NDUFS7: variants seen among roughly 807,000 people sequenced by gnomAD.
The protein encoded by NDUFS7 is NADH dehydrogenase [ubiquinone] iron-sulfur protein 7, mitochondrial.
A neutral mutation model predicts 31.1 loss-of-function variants in NDUFS7; 11 were observed. That is an observed-to-expected ratio of 0.35 (90% CI 0.22 to 0.59). The LOEUF is 0.59. NDUFS7 is among the 20% of genes least tolerant of loss of function. The probability of loss-of-function intolerance (pLI) is 0.79; values close to 1 mark genes in which losing one functional copy is unlikely to be tolerated. For synonymous variants in NDUFS7, 136 were observed against 127.9 expected, an observed-to-expected ratio of 1.06 and a Z score of -0.43; for missense variants, 263 against 324.2, an observed-to-expected ratio of 0.81 and a Z score of 1.45.
In NDUFS7 at chr19:1,388,824, C is replaced by T. The variant is rs750259721; in HGVS notation, c.123-9C>T. On this transcript the variant is annotated splice_polypyrimidine_tract_variant and intron_variant, in intron 3 of 7. Coordinates refer to ENST00000233627, the MANE Select transcript of NDUFS7 (RefSeq NM_024407.5). ...TGACGCCTCCTGTGCCCGTGTGTCT[C>T]TGTGCCAGCACCCAGCCTGCCCTGC... The T allele has an allele frequency of 8.8e-6, 14 of 1,585,986 alleles. No individual in the cohort carries two copies. The highest frequency in any genetic ancestry group is 8.6e-7 in the Non-Finnish European group (1 of 1,166,908).
chr19:1,389,399 A>T (rs751264685), intron 4 of NDUFS7: 1 of 460,596 alleles, frequency 2.2e-6, no homozygotes. Context: ...ACACAGGCAC[A>T]CTCACTGATG....
At chr19:1,391,977 T>C (rs1301767616) in intron 6 of NDUFS7, 1 of 150,932 alleles carries the variant, frequency 6.6e-6, no homozygotes, top group Non-Finnish European at 1.5e-5. Context: ...GCCTCCCGAG[T>C]AGCTGGGATT....
Position 1,392,552 on chromosome 19 carries a change from C to T in NDUFS7, c.456-690C>T, listed in dbSNP as rs1309451800. On this transcript the variant is annotated intron_variant, in intron 6 of 7. Coordinates refer to ENST00000233627, the MANE Select transcript of NDUFS7 (RefSeq NM_024407.5). ...CATTTCACAGAAACAGGATCACACG[C>T]CGCATGGCCTTCTGTGTCCGGCGTC... The T allele has an allele frequency of 1.9e-5, 3 of 153,968 alleles. No homozygotes were observed. The East Asian group carries it at 5.7e-4, about 29-fold the overall frequency. 9.5% of individuals were successfully genotyped at this position (153,968 alleles called of 1,614,324 possible).
intron 4 of NDUFS7, chr19:1,389,243 A>G (rs568119754): frequency 1.4e-5 from 9 of 659,016 alleles, no homozygotes; most frequent in South Asian, 4.6e-5. Flanking sequence ...GCACTCATGC[A>G]CACTCATGCG....
Position 1,391,178 on chromosome 19 carries a change from C to T in NDUFS7, c.455+13C>T, listed in dbSNP as rs376025020. ...TCTCCATGGGGAGGTGAGTGCAGGG[C>T]GGGGGGTCTCCAGGGACAGACGTAG... On this transcript the variant is annotated intron_variant, in intron 6 of 7. Coordinates refer to ENST00000233627, the MANE Select transcript of NDUFS7 (RefSeq NM_024407.5). 81 of 1,610,710 alleles carry T rather than the reference C, an allele frequency of 5.0e-5. No individual in the cohort carries two copies. Among genetic ancestry groups the T allele is most frequent in the South Asian group, 1.8e-4 (16 of 90,710 alleles).
At chr19:1,386,065 T>C (rs1310742093) in intron 1 of NDUFS7, among the ~76,000 whole-genome samples, 5 of 151,738 alleles carry the variant, frequency 3.3e-5, no homozygotes, top group African/African-American at 1.2e-4. Flanking sequence ...CTTCAGAGAG[T>C]TGTGGCCTGG....
chr19:1,389,219 A>G (rs1211086667), intron 4 of NDUFS7: 1 of 671,912 alleles, frequency 1.5e-6, no homozygotes, highest in Non-Finnish European at 2.7e-6. Flanking sequence ...GCACACATAC[A>G]CACATGCACA....
At chr19:1,388,449 A>G (rs1600146640) in intron 2 of NDUFS7, 76 bp from the exon 3 acceptor site, 1 of 1,343,524 alleles carries the variant, frequency 7.4e-7, no homozygotes, top group East Asian at 2.3e-5. Flanking sequence ...GGGGAGAGGC[A>G]GGACAACAGT....
Position 1,393,084 on chromosome 19 carries a change from G to A in NDUFS7, c.456-158G>A. ...CACTGGTCCCACAGAGGCTCTGGGA[G>A]CCTGTGCGTGTTTGCTCATTGCTTC... On this transcript the variant is annotated intron_variant, in intron 6 of 7. Transcript: ENST00000233627. The surrounding 1 kb of genome is among the most constrained non-coding windows in gnomAD (Gnocchi z 7.3). The A allele has an allele frequency of 1.5e-6, 1 of 652,766 alleles. No homozygotes were observed. 40.4% of individuals were successfully genotyped at this position (652,766 alleles called of 1,614,324 possible). A position where few individuals can be genotyped will look rare whatever the true frequency, so the allele number is the denominator to read the frequency against.
intron 7 of NDUFS7, chr19:1,394,032 A>G (rs1232747043): frequency 2.7e-5 from 7 of 261,850 alleles, no homozygotes; most frequent in Non-Finnish European, 5.3e-5. Flanking sequence ...GGTGGCGCTC[A>G]TGTGGGACAG....
In NDUFS7 at chr19:1,393,749, A is replaced by T. The variant is rs1432741150; in HGVS notation, c.544+419A>T. ...GGGGTGGCCGGATTTGGCAAATGAA[A>T]ACGTGGGAGGCTTAGTTTGACTGTG... On this transcript the variant is annotated intron_variant, in intron 7 of 7. Coordinates refer to ENST00000233627, the MANE Select transcript of NDUFS7 (RefSeq NM_024407.5). The surrounding 1 kb of genome is among the most constrained non-coding windows in gnomAD (Gnocchi z 7.3). 2.0e-6 allele frequency: 1 copy of T among 493,604 alleles called. No homozygotes were observed. The highest frequency in any genetic ancestry group is 1.9e-5 in the African/African-American group (1 of 52,088). 30.6% of individuals were successfully genotyped at this position (493,604 alleles called of 1,614,324 possible). A position where few individuals can be genotyped will look rare whatever the true frequency, so the allele number is the denominator to read the frequency against.
chr19:1,385,511 C>A (rs2082501916), intron 1 of NDUFS7, among the ~76,000 whole-genome samples: 1 of 149,016 alleles, frequency 6.7e-6, no homozygotes, highest in Non-Finnish European at 1.5e-5. Context: ...GAAACTCCGT[C>A]TCAAAAACAA....
At chr19:1,385,156 A>G (rs371132296) in intron 1 of NDUFS7, among the ~76,000 whole-genome samples, 1 of 152,230 alleles carries the variant, frequency 6.6e-6, no homozygotes, top group African/African-American at 2.4e-5. Flanking sequence ...TGGTGACAAC[A>G]AAGACATATA....
chr19:1,394,601 G>A lies in NDUFS7; in HGVS notation c.545-790G>A, dbSNP rs1208185619. Reference sequence around the variant, plus strand: ...GCGGACCGCGCTCGGCCCTCCCTGGGGACCGCGCCCCTCCCTCCCAGCGGA... The same window carrying A: ...GCGGACCGCGCTCGGCCCTCCCTGGAGACCGCGCCCCTCCCTCCCAGCGGA... On this transcript the variant is annotated intron_variant, in intron 7 of 7. Coordinates refer to ENST00000233627, the MANE Select transcript of NDUFS7 (RefSeq NM_024407.5). 88 of 1,197,326 alleles carry A rather than the reference G, an allele frequency of 7.3e-5. No individual in the cohort carries two copies. In the Admixed American group the frequency reaches 1.2e-3, roughly 16 times the overall value. 74.2% of individuals were successfully genotyped at this position (1,197,326 alleles called of 1,614,324 possible). A position where few individuals can be genotyped will look rare whatever the true frequency, so the allele number is the denominator to read the frequency against.
chr19:1,393,565 C>T lies in NDUFS7; in HGVS notation c.544+235C>T. 1 of 647,156 alleles carries T rather than the reference C, an allele frequency of 1.5e-6. No homozygotes were observed. The highest frequency in any genetic ancestry group is 2.8e-6 in the Non-Finnish European group (1 of 354,820). The allele number at this position is 647,156 out of a possible 1,614,324, so 40.1% of individuals were successfully genotyped here. On this transcript the variant is annotated intron_variant, in intron 7 of 7. Coordinates refer to ENST00000233627, the MANE Select transcript of NDUFS7 (RefSeq NM_024407.5). This position sits in a 1 kb window ranked among gnomAD's most constrained non-coding sequence, Gnocchi z 7.3. Reference sequence around the variant, plus strand: ...GGAGCAGGGGAAGCTGAGTGGAATTCCTGACACACGCCTGGTTTACAGCAG... The same window carrying T: ...GGAGCAGGGGAAGCTGAGTGGAATTTCTGACACACGCCTGGTTTACAGCAG...
intron 4 of NDUFS7, chr19:1,390,127 C>T (rs1328334268): frequency 6.4e-6 from 1 of 155,228 alleles, no homozygotes; most frequent in Non-Finnish European, 1.4e-5. Context: ...GTCTCGATCT[C>T]CTGACCTCGT....
Position 1,393,653 on chromosome 19 carries a change from T to C in NDUFS7, c.544+323T>C, listed in dbSNP as rs1398137046. Reference sequence around the variant, plus strand: ...CAGTTAGAAATACCAAGCGAGAAGGTTCCTGGGGGCCAAGGACACTGTCCC... The same window carrying C: ...CAGTTAGAAATACCAAGCGAGAAGGCTCCTGGGGGCCAAGGACACTGTCCC... On this transcript the variant is annotated intron_variant, in intron 7 of 7. Coordinates refer to ENST00000233627, the MANE Select transcript of NDUFS7 (RefSeq NM_024407.5). This position sits in a 1 kb window ranked among gnomAD's most constrained non-coding sequence, Gnocchi z 7.3. 4 of 593,840 alleles carry C rather than the reference T, an allele frequency of 6.7e-6. No individual in the cohort carries two copies. The highest frequency in any genetic ancestry group is 1.9e-5 in the African/African-American group (1 of 53,670). The allele number at this position is 593,840 out of a possible 1,614,324, so 36.8% of individuals were successfully genotyped here. A position where few individuals can be genotyped will look rare whatever the true frequency, so the allele number is the denominator to read the frequency against.
rs997484934 is a variant in NDUFS7, at chr19:1,393,533, A to T, written c.544+203A>T. The T allele has an allele frequency of 7.2e-5, 49 of 677,622 alleles. No individual in the cohort carries two copies. Among genetic ancestry groups the T allele is most frequent in the Admixed American group, 2.1e-4 (10 of 48,612 alleles). 42.0% of individuals were successfully genotyped at this position (677,622 alleles called of 1,614,324 possible). On this transcript the variant is annotated intron_variant, in intron 7 of 7. Coordinates refer to ENST00000233627, the MANE Select transcript of NDUFS7 (RefSeq NM_024407.5). The surrounding 1 kb of genome is among the most constrained non-coding windows in gnomAD (Gnocchi z 7.3). ...GGCGATGTATTCAGGCATCAGAGGGATCAGAGGGAGCAGGGGAAGCTGAGT... is the reference window on the plus strand; with the variant it reads ...GGCGATGTATTCAGGCATCAGAGGGTTCAGAGGGAGCAGGGGAAGCTGAGT...
At chr19:1,394,047 C>T in intron 7 of NDUFS7, 1 of 281,914 alleles carries the variant, frequency 3.5e-6, no homozygotes, top group Non-Finnish European at 7.0e-6. Context: ...GGACAGGGGA[C>T]AGAGTCCTGT....
Sources: gnomAD v4.1 joint callset for allele counts (sites outside exome capture counted in the v4.1 genomes callset) on GRCh38, gnomAD v4.1.1 for gene constraint, Gnocchi (gnomAD v3.1) non-coding constraint, MANE v1.5 for transcripts, NCBI Gene and HGNC (gene_info 2026-07-23, HGNC 2026-07-21) for gene names.